The following RRM2 variants were observed in gnomAD, a reference collection of about 807,000 sequenced individuals.
RRM2 encodes the protein ribonucleotide reductase regulatory subunit M2, also known as ribonucleoside-diphosphate reductase subunit M2.
In RRM2, 6 loss-of-function variants were observed where a neutral mutation model predicts 45.9. That is an observed-to-expected ratio of 0.13 (90% CI 0.07 to 0.26). The LOEUF (loss-of-function observed/expected upper bound fraction) is 0.26. Among genes scored for constraint, RRM2 ranks in the 10% least tolerant of loss-of-function variants. The pLI is 1.00. For synonymous variants in RRM2, 177 were observed against 173.0 expected, an observed-to-expected ratio of 1.02 and a Z score of -0.18; for missense variants, 343 against 489.5, an observed-to-expected ratio of 0.70 and a Z score of 2.82.
At chr2:10,163,359 C>A (rs1001554058) in intron 3 of RRM2, among the ~76,000 whole-genome samples, 2 of 151,614 alleles carry the variant, frequency 1.3e-5, no homozygotes, top group African/African-American at 2.4e-5. Context: ...CTGTAGCTGT[C>A]TCTGGGGCTG....
intron 3 of RRM2, 82 bp downstream of exon 3, chr2:10,123,612 A>G: frequency 6.5e-7 from 1 of 1,538,242 alleles, no homozygotes; most frequent in African/African-American, 1.4e-5. Flanking sequence ...TCCCGTTGGC[A>G]AGGGGGGCTA....
rs373151401 is a variant in RRM2 at position 10,129,234 on chromosome 2, G to A, written c.1018G>A (p.Val340Ile). 21 of 1,613,470 alleles carry A rather than the reference G, an allele frequency of 1.3e-5. No individual in the cohort carries two copies. The highest frequency in any genetic ancestry group is 2.7e-5 in the African/African-American group (2 of 74,850). ...RLMLELGFSK[V>I]FRVENPFDFM... is the part of the protein sequence containing the mutation. The stretch of plus-strand genomic sequence containing the variant: ...TATATCTTGATGTGAACCTTTTCAG[G>A]TTTTCAGAGTAGAGAACCCATTTGA... The change falls in exon 10 of 10, where the codon GTT (valine) becomes ATT (isoleucine). Residue 340 changes from valine to isoleucine, a missense_variant and splice_region_variant. Transcript: ENST00000304567. This position sits in a 1 kb window ranked among gnomAD's most constrained non-coding sequence, Gnocchi z 4.8.
intron 3 of RRM2, among the ~76,000 whole-genome samples, chr2:10,194,801 G>A (rs953635700): frequency 7.9e-5 from 12 of 152,158 alleles, no homozygotes; most frequent in Non-Finnish European, 1.5e-4. Flanking sequence ...CCTCCCCTGC[G>A]TCCTCATCTG....
intron 3 of RRM2, among the ~76,000 whole-genome samples, chr2:10,151,813 A>T (rs749252012): frequency 5.3e-5 from 8 of 152,214 alleles, no homozygotes; most frequent in Non-Finnish European, 1.2e-4. Context: ...GTGGGTGTCT[A>T]GTGTATATCC....
intron 3 of RRM2, among the ~76,000 whole-genome samples, chr2:10,168,465 G>C (rs2125321425): frequency 6.6e-6 from 1 of 152,246 alleles, no homozygotes; most frequent in East Asian, 1.9e-4. Context: ...TTCTTGAAGA[G>C]GGGGTTTATG....
At chr2:10,143,909 G>A (rs1263068837) in intron 3 of RRM2, among the ~76,000 whole-genome samples, 2 of 152,124 alleles carry the variant, frequency 1.3e-5, no homozygotes, top group Non-Finnish European at 2.9e-5. Context: ...CTTGTGATCC[G>A]CCCGCCTTGG....
chr2:10,128,802 TG>T, intron 7 of RRM2, 45 bp from the exon 8 acceptor site: 2 of 1,298,566 alleles, frequency 1.5e-6, no homozygotes, highest in Non-Finnish European at 2.2e-6. Context: ...TCCATGTTAA[TG>T]ACAGAAGTCT....
intron 3 of RRM2, among the ~76,000 whole-genome samples, chr2:10,163,917 A>G (rs1663624262): frequency 6.6e-6 from 1 of 152,232 alleles, no homozygotes; most frequent in Admixed American, 6.5e-5. Flanking sequence ...GAAAAAGATG[A>G]CAGGAATGCC....
In RRM2 at chr2:10,195,940, G is replaced by A. The variant is rs1297101269; in HGVS notation, n.483-14371G>A. The stretch of plus-strand genomic sequence containing the variant: ...ACCCTCACTTCCAGTGTTGAACACA[G>A]TCATGCTAGAAATGGTGCCTGGTGC... On this transcript the variant is annotated intron_variant and non_coding_transcript_variant, in intron 3 of 3. Transcript: ENST00000381786. The surrounding 1 kb of genome is among the most constrained non-coding windows in gnomAD (Gnocchi z 4.9). 6.6e-6 allele frequency among the ~76,000 whole-genome samples: 1 copy of A among 152,226 alleles called. No homozygotes were observed. The highest frequency in any genetic ancestry group is 1.9e-4 in the East Asian group (1 of 5,202).
chr2:10,126,171 A>T (rs1243256125), intron 5 of RRM2, among the ~76,000 whole-genome samples: 2 of 66,188 alleles, frequency 3.0e-5, no homozygotes, highest in Non-Finnish European at 6.5e-5. Context: ...TTAAAAAAAA[A>T]AAAAAAAAAA....
chr2:10,199,418 A>AT (rs1664490358), intron 3 of RRM2: 1 of 152,130 alleles, frequency 6.6e-6, no homozygotes, highest in African/African-American at 2.4e-5. Context: ...CAAGACTAGA[A>AT]TTTAACAACA....
rs1380513547 is a variant in RRM2 at position 10,185,332 on chromosome 2, A to G, written n.483-24979A>G. 6.6e-6 allele frequency among the ~76,000 whole-genome samples: 1 copy of G among 152,192 alleles called. No individual in the cohort carries two copies. The highest frequency in any genetic ancestry group is 1.5e-5 in the Non-Finnish European group (1 of 68,038). Reference sequence around the variant, plus strand: ...TGAGCGTGGGAGGGAGACAGACGGCATCGATTCATTAATATATTCAAAACT... The same window carrying G: ...TGAGCGTGGGAGGGAGACAGACGGCGTCGATTCATTAATATATTCAAAACT... On this transcript the variant is annotated intron_variant and non_coding_transcript_variant, in intron 3 of 3. Transcript: ENST00000381786. This position sits in a 1 kb window ranked among gnomAD's most constrained non-coding sequence, Gnocchi z 4.3.
chr2:10,151,244 G>A (rs116360085), intron 3 of RRM2, among the ~76,000 whole-genome samples: 1 of 150,984 alleles, frequency 6.6e-6, no homozygotes, highest in African/African-American at 2.4e-5. Context: ...CATTGGGGCT[G>A]TTTCCAGCTT....
chr2:10,179,135 T>C (rs1401177503), intron 3 of RRM2, among the ~76,000 whole-genome samples: 1 of 152,228 alleles, frequency 6.6e-6, no homozygotes, highest in Non-Finnish European at 1.5e-5. Context: ...TACCGCAGTA[T>C]GTCTGGCATT....
In RRM2 at chr2:10,169,793, G is replaced by C. The variant is rs888204632; in HGVS notation, n.482+27418G>C. On this transcript the variant is annotated intron_variant and non_coding_transcript_variant, in intron 3 of 3. Coordinates refer to the RRM2 transcript ENST00000381786. The surrounding 1 kb of genome is among the most constrained non-coding windows in gnomAD (Gnocchi z 5.1). ...AGCAGGAGCAGGAGGCTGAGGCCAG[G>C]GGGGATGGCAGCCCCCGGGGATCTG... Among the ~76,000 whole-genome samples the C allele has an allele frequency of 6.6e-6, 1 of 152,216 alleles. No homozygotes were observed. Among genetic ancestry groups the C allele is most frequent in the Non-Finnish European group, 1.5e-5 (1 of 68,036 alleles).
chr2:10,166,295 G>A (rs1011139453), intron 3 of RRM2, among the ~76,000 whole-genome samples: 1 of 152,210 alleles, frequency 6.6e-6, no homozygotes, highest in Non-Finnish European at 1.5e-5. Flanking sequence ...GACCAGAGCC[G>A]GCTGCAGGGG....
chr2:10,122,724 A>T, upstream of RRM2: 1 of 1,551,480 alleles, frequency 6.4e-7, no homozygotes, highest in Non-Finnish European at 8.7e-7. Flanking sequence ...AGGCTGCTGG[A>T]GTGAGGGGTC....
At chr2:10,145,025 T>C (rs994263091) in intron 3 of RRM2, among the ~76,000 whole-genome samples, 9 of 152,132 alleles carry the variant, frequency 5.9e-5, no homozygotes, top group African/African-American at 1.9e-4. Context: ...GCCTTTCCCT[T>C]GAAGGGTAAG....
chr2:10,208,939 C>G lies in RRM2; in HGVS notation n.483-1372C>G, dbSNP rs149467358. ...CCCACCTCTCCAGCTCAAGGCCTCC[C>G]TCCCACGTGCTGGATCCTGCCTGTT... On this transcript the variant is annotated intron_variant and non_coding_transcript_variant, in intron 3 of 3. Coordinates refer to the RRM2 transcript ENST00000381786. 6.3e-4 allele frequency among the ~76,000 whole-genome samples: 96 copies of G among 152,286 alleles called. 2 individuals are homozygous for G. The East Asian group carries it at 0.018, about 29-fold the overall frequency.
Sources: gnomAD v4.1 joint callset for allele counts (sites outside exome capture counted in the v4.1 genomes callset) on GRCh38, gnomAD v4.1.1 for gene constraint, Gnocchi (gnomAD v3.1) non-coding constraint, MANE v1.5 for transcripts, NCBI Gene and HGNC (gene_info 2026-07-23, HGNC 2026-07-21) for gene names.